Variants in VWCE observed in about 807,000 individuals in gnomAD.
VWCE encodes the protein von Willebrand factor C and EGF domain-containing protein.
In VWCE, 68 loss-of-function variants were observed where a neutral mutation model predicts 102.9. The observed-to-expected ratio is 0.66, with a 90% CI of 0.54 to 0.81. VWCE has a LOEUF of 0.81. Ranked by LOEUF, VWCE falls within the 30% of genes least tolerant of loss-of-function variation. VWCE has a pLI of 0.00. For synonymous variants in VWCE, 497 were observed against 515.4 expected (o/e 0.96, Z 0.48); for missense variants, 1,137 against 1,263.6 (o/e 0.90, Z 1.52).
In VWCE at chr11:61,271,720, T is replaced by G; in HGVS notation, c.1740A>C (p.Gly580=). 6.2e-7 allele frequency: 1 copy of G among 1,613,658 alleles called. No individual in the cohort carries two copies. The highest frequency in any genetic ancestry group is 8.5e-7 in the Non-Finnish European group (1 of 1,179,814). Residue 580 remains glycine (G), a synonymous_variant, in exon 14 of 20, where the codon GGA becomes GGC. Coordinates refer to ENST00000335613, the MANE Select transcript of VWCE (RefSeq NM_152718.2). ...AGGGGTCACCAGGCGACCAGATCTG[T>G]CCAATCGGAAACTCAACCCCGTTGT... ...LDDNGVEFPI[G]QIWSPGDPCE...
intron 13 of VWCE, 45 bp from the exon 14 acceptor site, chr11:61,271,805 C>T: frequency 6.4e-7 from 1 of 1,571,262 alleles, no homozygotes; most frequent in African/African-American, 1.3e-5. Flanking sequence ...AAGACCTAGA[C>T]TACAACAGCA....
chr11:61,264,957 T>C lies in VWCE; in HGVS notation c.2138A>G (p.Gln713Arg), dbSNP rs1376524587. ...CCTGGGTTCCCAGGCCCAGCTCACC[T>C]GGCACGTGCACCGGGTGCAGGGTTC... is the stretch of plus-strand genomic sequence containing the variant. ...DDEPCTRCTC[Q>R]LGEVSCEKVP... Residue 713 changes from glutamine (Q) to arginine (R), a missense_variant and splice_region_variant, in exon 18 of 20, where the codon CAG becomes CGG. Gln to Arg is a conservative substitution (Grantham distance 43). Around this residue, in one of 5 missense-constraint regions of VWCE, gnomAD observed 316 missense variants for 319.3 expected, o/e 0.99. Transcript: ENST00000335613. 36 of 1,613,556 alleles carry C rather than the reference T, an allele frequency of 2.2e-5. No individual in the cohort carries two copies. Among genetic ancestry groups the C allele is most frequent in the Non-Finnish European group, 3.1e-5 (36 of 1,180,038 alleles).
At chr11:61,287,819 T>C (rs1412801912) in intron 4 of VWCE, among the ~76,000 whole-genome samples, 3 of 151,892 alleles carry the variant, frequency 2.0e-5, no homozygotes, top group Non-Finnish European at 4.4e-5. Flanking sequence ...GAAGCTTGGG[T>C]TCCTTTTGAG....
rs1242089577 is a variant in VWCE at position 61,268,907 on chromosome 11, G to C, written c.1882+15C>G. ...TGCCCTGCCCTGGGGGCTTGGGGCA[G>C]AGGCAGGGGATTACCTGCTGAACAG... On this transcript the variant is annotated intron_variant, in intron 15 of 19. Coordinates refer to ENST00000335613, the MANE Select transcript of VWCE (RefSeq NM_152718.2). The C allele has an allele frequency of 6.2e-7, 1 of 1,613,200 alleles. No homozygotes were observed. The highest frequency in any genetic ancestry group is 2.2e-5 in the East Asian group (1 of 44,886).
At chr11:61,285,470 C>T (rs995249670) in intron 5 of VWCE, among the ~76,000 whole-genome samples, 14 of 152,262 alleles carry the variant, frequency 9.2e-5, no homozygotes, top group African/African-American at 2.6e-4. Context: ...ATCCCTCATC[C>T]TAAGCTTGTT....
Position 61,294,781 on chromosome 11 carries a change from C to T in VWCE, c.110+147G>A, listed in dbSNP as rs1357015404. ...CAAGTTGCTGACTCTTTGTGCCGTC[C>T]CCGAGCTGTGCCCGCGCTGATAGCA... On this transcript the variant is annotated intron_variant, in intron 1 of 19. Transcript: ENST00000335613. This position sits in a 1 kb window ranked among gnomAD's most constrained non-coding sequence, Gnocchi z 6.3. The T allele has an allele frequency of 1.7e-5, 8 of 481,372 alleles. No homozygotes were observed. Among genetic ancestry groups the T allele is most frequent in the Non-Finnish European group, 2.8e-5 (8 of 287,532 alleles). The allele number at this position is 481,372 out of a possible 1,614,324, so 29.8% of individuals were successfully genotyped here. A position where few individuals can be genotyped will look rare whatever the true frequency, so the allele number is the denominator to read the frequency against.
chr11:61,261,413 ACTTTAT>A (rs1415907203), intron 19 of VWCE, among the ~76,000 whole-genome samples: 1 of 151,340 alleles, frequency 6.6e-6, no homozygotes, highest in Non-Finnish European at 1.5e-5. Context: ...TGACATATGA[ACTTTAT>A]CTTTAGAAAG....
At chr11:61,273,802 G>A (rs1854816177) in intron 12 of VWCE, 1 of 163,322 alleles carries the variant, frequency 6.1e-6, no homozygotes, top group Admixed American at 5.9e-5. Context: ...CTGGGGAGCA[G>A]AGAGAGTCTC....
chr11:61,260,496 C>A (rs2134724767), intron 19 of VWCE, among the ~76,000 whole-genome samples: 1 of 152,228 alleles, frequency 6.6e-6, no homozygotes, highest in African/African-American at 2.4e-5. Context: ...CAGGATCCTA[C>A]TTTGTTACCC....
intron 5 of VWCE, among the ~76,000 whole-genome samples, chr11:61,283,355 C>A (rs189423188): frequency 3.3e-5 from 5 of 152,300 alleles, no homozygotes; most frequent in Admixed American, 3.3e-4. Context: ...GTCCTGGTTG[C>A]CTTGCCCACC....
chr11:61,275,821 C>T (rs1470345437), intron 11 of VWCE, among the ~76,000 whole-genome samples: 1 of 152,112 alleles, frequency 6.6e-6, no homozygotes, highest in African/African-American at 2.4e-5. Context: ...AGGACCAACT[C>T]ATTAGTGGCT....
Position 61,281,002 on chromosome 11 carries a change from G to A in VWCE, c.1021C>T (p.Leu341=). The A allele has an allele frequency of 6.4e-7, 1 of 1,557,758 alleles. No homozygotes were observed. Among genetic ancestry groups the A allele is most frequent in the Non-Finnish European group, 8.7e-7 (1 of 1,152,022 alleles). ...GAGGCAGTAGGCACTGGGGTGGCCAGCAGGGTGGACAGCAGCCACACAGGG... is the reference window on the plus strand; with the variant it reads ...GAGGCAGTAGGCACTGGGGTGGCCAACAGGGTGGACAGCAGCCACACAGGG... ...SAPVWLLSTL[L]ATPVPTASLL... The change falls in exon 8 of 20, where the codon CTG becomes TTG. Residue 341 remains leucine (L), a synonymous_variant. Transcript: ENST00000335613.
chr11:61,281,739 C>G, intron 7 of VWCE, 47 bp downstream of exon 7: 2 of 1,569,364 alleles, frequency 1.3e-6, no homozygotes, highest in Non-Finnish European at 8.7e-7. Context: ...GGGGCAGGCA[C>G]TGAGGGGGCG....
At chr11:61,270,295 A>T (rs1854646222) in intron 14 of VWCE, among the ~76,000 whole-genome samples, 1 of 152,198 alleles carries the variant, frequency 6.6e-6, no homozygotes, top group Admixed American at 6.5e-5. Flanking sequence ...AGTGCACACA[A>T]ATCACCTGGA....
intron 13 of VWCE, among the ~76,000 whole-genome samples, chr11:61,272,774 T>A (rs1374604159): frequency 6.6e-6 from 1 of 150,656 alleles, no homozygotes; most frequent in Non-Finnish European, 1.5e-5. Context: ...GACACACTCA[T>A]ACAAACATAC....
chr11:61,267,044 G>A (rs1255335547), intron 16 of VWCE, among the ~76,000 whole-genome samples: 3 of 152,184 alleles, frequency 2.0e-5, no homozygotes, highest in African/African-American at 7.2e-5. Flanking sequence ...GATCACCTGA[G>A]GTCAGGAGTT....
rs1309095818 is a variant in VWCE, at chr11:61,281,208, G to T, written c.815C>A (p.Ser272Tyr). The part of the protein sequence containing the change: ...EAFPKAVLAP[S>Y]AILQPRQHPS... ...GTGTTGCCGGGGTTGCAGGATGGCAGATGGGGCCAGCACGGCTTTCGGGAA... is the reference window on the plus strand; with the variant it reads ...GTGTTGCCGGGGTTGCAGGATGGCATATGGGGCCAGCACGGCTTTCGGGAA... Residue 272 changes from serine (S) to tyrosine (Y), a missense_variant, in exon 8 of 20, where the codon TCT becomes TAT. This residue lies in a region of VWCE where 575 missense variants were observed against 625.9 expected (regional missense o/e 0.92). Coordinates refer to ENST00000335613, the MANE Select transcript of VWCE (RefSeq NM_152718.2). The T allele has an allele frequency of 6.2e-7, 1 of 1,612,922 alleles. No homozygotes were observed. The highest frequency in any genetic ancestry group is 1.7e-5 in the Admixed American group (1 of 60,010).
At chr11:61,291,002 T>A in intron 3 of VWCE, 75 bp from the exon 4 acceptor site, 22 of 1,553,252 alleles carry the variant, frequency 1.4e-5, no homozygotes, top group Non-Finnish European at 1.9e-5. Flanking sequence ...AGGGTCCTCC[T>A]GAATTCTGTT....
At chr11:61,280,413 C>T (rs1855082472) in intron 9 of VWCE, among the ~76,000 whole-genome samples, 1 of 152,132 alleles carries the variant, frequency 6.6e-6, no homozygotes, top group Non-Finnish European at 1.5e-5. Context: ...GTCAGTATCA[C>T]CTGGGAACCT....
Sources: allele counts gnomAD v4.1 joint callset (sites outside exome capture counted in the v4.1 genomes callset), GRCh38; gene constraint gnomAD v4.1.1; regional missense constraint gnomAD v4.1.1; non-coding constraint Gnocchi (gnomAD v3.1); transcripts MANE v1.5; gene names NCBI Gene and HGNC (gene_info 2026-07-23, HGNC 2026-07-21).